UBE2D2: variants seen among roughly 807,000 people sequenced by gnomAD.
The protein encoded by UBE2D2 is ubiquitin conjugating enzyme E2 D2.
In UBE2D2, 2 loss-of-function variants were observed where a neutral mutation model predicts 24.2. The observed-to-expected ratio is 0.08, with a 90% CI of 0.03 to 0.26. The LOEUF (loss-of-function observed/expected upper bound fraction) is 0.26, where lower values mean the gene tolerates loss of function less well. Among genes scored for constraint, UBE2D2 ranks in the 10% least tolerant of loss-of-function variants. UBE2D2 has a pLI of 1.00. For synonymous variants in UBE2D2, 58 were observed against 56.5 expected (o/e 1.03, Z -0.12); for missense variants, 44 against 177.6 (o/e 0.25, Z 4.28).
At chr5:139,600,262 A>AAGAGCATTCCTTC in intron 1 of UBE2D2, 110 bp from the exon 2 acceptor site, 1 of 1,173,508 alleles carries the variant, frequency 8.5e-7, no homozygotes, top group Non-Finnish European at 1.2e-6. Flanking sequence ...GAATGCTCTT[A>AAGAGCATTCCTTC]AGAGAGTTTC....
chr5:139,589,726 T>C (rs1392371392), intron 1 of UBE2D2, among the ~76,000 whole-genome samples: 1 of 152,240 alleles, frequency 6.6e-6, no homozygotes, highest in Non-Finnish European at 1.5e-5. Context: ...GCAAATCATT[T>C]GTTGTATGAA....
intron 1 of UBE2D2, chr5:139,562,529 T>A (rs1274084046): frequency 1.9e-6 from 2 of 1,045,668 alleles, no homozygotes; most frequent in Admixed American, 6.7e-5. Flanking sequence ...AAGCTGTACA[T>A]TGGCAAAGGT....
intron 1 of UBE2D2, among the ~76,000 whole-genome samples, chr5:139,550,435 G>A (rs530962516): frequency 8.5e-5 from 13 of 152,184 alleles, no homozygotes; most frequent in Non-Finnish European, 8.8e-5. Flanking sequence ...ACCAATCAGC[G>A]CTCTGTAAAA....
chr5:139,562,510 C>A (rs772896093), intron 1 of UBE2D2: 5 of 1,166,622 alleles, frequency 4.3e-6, no homozygotes, highest in South Asian at 1.4e-5. Flanking sequence ...AGGATTGGAT[C>A]TAATAGAAAA....
intron 1 of UBE2D2, among the ~76,000 whole-genome samples, chr5:139,549,666 G>A (rs929185128): frequency 2.1e-4 from 32 of 152,320 alleles, no homozygotes; most frequent in Admixed American, 1.7e-3. Flanking sequence ...ACTCCCCGAC[G>A]GGGCGCCACC....
intron 1 of UBE2D2, chr5:139,599,564 G>C (rs1474600802): frequency 6.6e-6 from 1 of 151,798 alleles, no homozygotes; most frequent in Non-Finnish European, 1.5e-5. Context: ...GTGAAACCCT[G>C]TCTCTACTAA....
At chr5:139,564,136 A>C (rs568860788) in intron 1 of UBE2D2, among the ~76,000 whole-genome samples, 103 of 152,250 alleles carry the variant, frequency 6.8e-4, no homozygotes, top group African/African-American at 2.2e-3. Context: ...TTTTTTTAAT[A>C]AAATCAAGTT....
chr5:139,595,299 T>A (rs1200704413), intron 1 of UBE2D2, among the ~76,000 whole-genome samples: 1 of 152,188 alleles, frequency 6.6e-6, no homozygotes, highest in South Asian at 2.1e-4. Context: ...TTCATCATGA[T>A]GTAGAGATAT....
In UBE2D2 at chr5:139,585,876, G is replaced by A. The variant is rs184477396; in HGVS notation, c.25-14496G>A. 2.5e-3 allele frequency among the ~76,000 whole-genome samples: 352 copies of A among 143,020 alleles called. 2 individuals carry two copies. Among genetic ancestry groups the A allele is most frequent in the Non-Finnish European group, 4.2e-3 (283 of 67,094 alleles). The allele number at this position is 143,020 out of a possible 152,430, so 93.8% of individuals were successfully genotyped here. A position where few individuals can be genotyped will look rare whatever the true frequency, so the allele number is the denominator to read the frequency against. ...CACTTGAACCCGGGAGGTGGAGATT[G>A]CAGTGAGTCGAGATTGTGCCACTGC... On this transcript the variant is annotated intron_variant, in intron 1 of 6. Coordinates refer to ENST00000398733, the MANE Select transcript of UBE2D2 (RefSeq NM_003339.3).
intron 1 of UBE2D2, among the ~76,000 whole-genome samples, chr5:139,596,202 A>G (rs1581518313): frequency 6.6e-6 from 1 of 150,868 alleles, no homozygotes; most frequent in African/African-American, 2.4e-5. Flanking sequence ...TTTCTTGTGT[A>G]TTCTTGGGAG....
intron 1 of UBE2D2, among the ~76,000 whole-genome samples, chr5:139,542,625 A>G (rs1365763069): frequency 6.6e-6 from 1 of 151,814 alleles, no homozygotes; most frequent in Non-Finnish European, 1.5e-5. Flanking sequence ...CTGGCATGGC[A>G]TGACATAGTT....
intron 2 of UBE2D2, among the ~76,000 whole-genome samples, chr5:139,604,772 C>T (rs2126690661): frequency 6.6e-6 from 1 of 151,820 alleles, no homozygotes; most frequent in South Asian, 2.1e-4. Context: ...CCCACCTACT[C>T]ACAAGGCTGA....
chr5:139,595,048 A>G (rs1343229441), intron 1 of UBE2D2, among the ~76,000 whole-genome samples: 2 of 152,208 alleles, frequency 1.3e-5, no homozygotes, highest in Non-Finnish European at 2.9e-5. Flanking sequence ...CATGTTCAGT[A>G]CAGACATCAT....
At chr5:139,587,941 C>G (rs562942838) in intron 1 of UBE2D2, among the ~76,000 whole-genome samples, 1 of 152,016 alleles carries the variant, frequency 6.6e-6, no homozygotes, top group Non-Finnish European at 1.5e-5. Context: ...AGCTAAGTTG[C>G]GAGCCCCGTA....
At chr5:139,622,242 A>C (rs1258063885) in intron 5 of UBE2D2, among the ~76,000 whole-genome samples, 1 of 151,558 alleles carries the variant, frequency 6.6e-6, no homozygotes, top group East Asian at 1.9e-4. Context: ...TTTATTTTTT[A>C]TTATAATTAT....
At chr5:139,548,163 C>CAAAAAAAAAAAAAA (rs749269739) in intron 1 of UBE2D2, among the ~76,000 whole-genome samples, 18 of 32,892 alleles carry the variant, frequency 5.5e-4, no homozygotes, top group Admixed American at 1.3e-3. Flanking sequence ...GACTCCGTCT[C>CAAAAAAAAAAAAAA]AAAAAAAAAA....
chr5:139,547,202 A>T (rs1473444900), intron 1 of UBE2D2, among the ~76,000 whole-genome samples: 1 of 151,622 alleles, frequency 6.6e-6, no homozygotes, highest in African/African-American at 2.4e-5. Flanking sequence ...GAGGCAGGAG[A>T]ATGGCGTGAA....
At position 139,542,783 on chromosome 5, in the gene UBE2D2, T is replaced by G. The variant is rs189718425; in HGVS notation, c.-64+16171T>G. ...ATATAATTCAGACTTAAAAAGGAAA[T>G]AAATTCTACACATGCTACAACATAG... On this transcript the variant is annotated intron_variant, in intron 1 of 6. Transcript: ENST00000511725. 5.6e-3 allele frequency among the ~76,000 whole-genome samples: 852 copies of G among 152,264 alleles called. 5 individuals are homozygous for G. Among genetic ancestry groups the G allele is most frequent in the African/African-American group, 0.019 (775 of 41,558 alleles).
intron 1 of UBE2D2, among the ~76,000 whole-genome samples, chr5:139,534,416 A>T (rs1336464491): frequency 6.6e-6 from 1 of 151,984 alleles, no homozygotes; most frequent in Non-Finnish European, 1.5e-5. Context: ...AATACAAACC[A>T]TTAGCCGGGC....
Sources: gnomAD v4.1 joint callset for allele counts (sites outside exome capture counted in the v4.1 genomes callset) on GRCh38, gnomAD v4.1.1 for gene constraint, MANE v1.5 for transcripts, NCBI Gene and HGNC (gene_info 2026-07-23, HGNC 2026-07-21) for gene names.